Variants in LMO7 observed in about 807,000 individuals in gnomAD.
LMO7 encodes the protein LIM domain 7, also known as LIM domain only protein 7.
In LMO7, 120 loss-of-function variants were observed where a neutral mutation model predicts 206.5. The observed-to-expected ratio is 0.58, with a 90% CI of 0.50 to 0.68. LMO7 has a LOEUF of 0.68. Ranked by LOEUF, LMO7 falls within the 30% of genes least tolerant of loss-of-function variation. The probability of loss-of-function intolerance (pLI) is 0.00; values close to 1 mark genes in which losing one functional copy is unlikely to be tolerated. For synonymous variants in LMO7, 706 were observed against 681.5 expected (o/e 1.04, Z -0.56); for missense variants, 1,959 against 1,957.9 (o/e 1.00, Z -0.01).
chr13:75,726,069 T>A (rs756428519), intron 2 of LMO7, among the ~76,000 whole-genome samples: 9 of 151,952 alleles, frequency 5.9e-5, no homozygotes, highest in Non-Finnish European at 1.2e-4. Context: ...TTATTTGCTT[T>A]CTTTTTGGAG....
At chr13:75,823,399 G>A (rs1379087606) in intron 14 of LMO7, among the ~76,000 whole-genome samples, 166 bp from the exon 15 acceptor site, 1 of 152,168 alleles carries the variant, frequency 6.6e-6, no homozygotes, top group Non-Finnish European at 1.5e-5. Flanking sequence ...CTCACTACGT[G>A]TTTATCTGTT....
At chr13:75,788,184 T>A (rs1475133621) in intron 4 of LMO7, among the ~76,000 whole-genome samples, 1 of 152,194 alleles carries the variant, frequency 6.6e-6, no homozygotes, top group East Asian at 1.9e-4. Flanking sequence ...GGGTTTCTTA[T>A]GACACCTACA....
intron 8 of LMO7, chr13:75,805,140 G>T: frequency 9.0e-7 from 1 of 1,110,300 alleles, no homozygotes. Context: ...GGGGCTATAT[G>T]GACTGACGAG....
At chr13:75,691,212 C>A (rs932907454) in intron 1 of LMO7, among the ~76,000 whole-genome samples, 3 of 152,166 alleles carry the variant, frequency 2.0e-5, no homozygotes, top group Non-Finnish European at 2.9e-5. Flanking sequence ...AGTTTTGCTT[C>A]AGGTAAGGTG....
chr13:75,839,898 T>C (rs773176212), intron 20 of LMO7, 187 bp from the exon 21 acceptor site: 2 of 530,212 alleles, frequency 3.8e-6, no homozygotes, highest in Non-Finnish European at 6.7e-6. Context: ...ATTTGAAAGA[T>C]GAGTAACAGA....
At chr13:75,766,507 T>C (rs1325185792) in intron 4 of LMO7, among the ~76,000 whole-genome samples, 1 of 152,108 alleles carries the variant, frequency 6.6e-6, no homozygotes, top group Admixed American at 6.6e-5. Context: ...ATGTGGCATA[T>C]ACTTACACAG....
intron 3 of LMO7, among the ~76,000 whole-genome samples, chr13:75,737,645 C>T (rs1440206642): frequency 1.4e-5 from 2 of 142,670 alleles, no homozygotes; most frequent in Admixed American, 6.9e-5. Flanking sequence ...CCCAGCTACT[C>T]GGGAGGCTGA....
intron 1 of LMO7, among the ~76,000 whole-genome samples, chr13:75,668,218 C>CA (rs897286775): frequency 2.0e-5 from 3 of 151,596 alleles, no homozygotes; most frequent in Admixed American, 6.6e-5. Flanking sequence ...GAAAAAGAAC[C>CA]AAAAAACAAA....
chr13:75,807,842 G>A lies in LMO7; in HGVS notation c.1559G>A (p.Arg520His). 9 of 1,613,880 alleles carry A rather than the reference G, an allele frequency of 5.6e-6. No homozygotes were observed. The highest frequency in any genetic ancestry group is 2.2e-5 in the East Asian group (1 of 44,882). ...PDLEKDDMIV[R>H]RIPAQKKEVP... ...TTGGAAAAAGATGATATGATTGTTC[G>A]CCGAATTCCAGCACAGAAGAAAGAA... The change falls in exon 10 of 31, where the codon CGC becomes CAC. Residue 520 changes from arginine (R) to histidine (H), a missense_variant. Physicochemically the swap from Arg to His is conservative, Grantham distance 29. Coordinates refer to ENST00000377534, the MANE Select transcript of LMO7 (RefSeq NM_001306080.2).
chr13:75,621,472 C>A (rs2033308016), exon 1 of LMO7: 1 of 274,206 alleles, frequency 3.6e-6, no homozygotes, highest in African/African-American at 2.2e-5. Context: ...CTCTTGGGGG[C>A]AAAGAATGCT....
At chr13:75,856,831 A>G in intron 30 of LMO7, 1 of 430,414 alleles carries the variant, frequency 2.3e-6, no homozygotes, top group Non-Finnish European at 4.3e-6. Flanking sequence ...AGGAATGGAG[A>G]GGAACAGTGT....
chr13:75,738,842 C>T (rs1173655734), intron 3 of LMO7, among the ~76,000 whole-genome samples: 2 of 152,086 alleles, frequency 1.3e-5, no homozygotes, highest in Non-Finnish European at 2.9e-5. Context: ...TGTGTAGAAA[C>T]ATCAGGGAAG....
intron 4 of LMO7, among the ~76,000 whole-genome samples, chr13:75,770,754 G>A (rs566819265): frequency 6.6e-6 from 1 of 152,126 alleles, no homozygotes; most frequent in South Asian, 2.1e-4. Context: ...AAGAGCTTTC[G>A]AACACTGTCA....
Position 75,821,298 on chromosome 13 carries a change from G to A in LMO7, c.2329G>A (p.Glu777Lys). The change falls in exon 14 of 31, where the codon GAG becomes AAG. Residue 777 changes from glutamate (E) to lysine (K), a missense_variant. Physicochemically the swap from Glu to Lys is moderately conservative, Grantham distance 56 (BLOSUM62 1). Transcript: ENST00000377534. ...TGTGTCAGAAGCAAGTTACCAGAGT[G>A]AGAGAGTAGAAGAGAAGGGAGCAAC... ...MTVSEASYQS[E>K]RVEEKGATYP... 6.2e-7 allele frequency: 1 copy of A among 1,614,134 alleles called. No individual in the cohort carries two copies. Among genetic ancestry groups the A allele is most frequent in the Non-Finnish European group, 8.5e-7 (1 of 1,179,994 alleles).
chr13:75,641,060 C>T (rs2036484339), intron 1 of LMO7, among the ~76,000 whole-genome samples: 1 of 152,214 alleles, frequency 6.6e-6, no homozygotes, highest in Admixed American at 6.5e-5. Context: ...AAATTCTTAG[C>T]CCTTACCTGG....
At chr13:75,655,031 C>T (rs988778033) in intron 1 of LMO7, among the ~76,000 whole-genome samples, 4 of 151,934 alleles carry the variant, frequency 2.6e-5, no homozygotes, top group African/African-American at 4.8e-5. Context: ...TCACCACGCC[C>T]GGCTAATTTT....
chr13:75,648,445 C>T (rs2037253762), intron 1 of LMO7, among the ~76,000 whole-genome samples: 1 of 152,160 alleles, frequency 6.6e-6, no homozygotes. Context: ...ATAGAAAAAT[C>T]AAGCTCTCAA....
chr13:75,847,410 A>G (rs78821261), intron 26 of LMO7, among the ~76,000 whole-genome samples: 2 of 152,374 alleles, frequency 1.3e-5, no homozygotes, highest in Admixed American at 1.3e-4. Flanking sequence ...TTCTTAGAGT[A>G]GAAGCAAGTC....
chr13:75,689,798 T>C (rs901368714), intron 1 of LMO7, among the ~76,000 whole-genome samples: 1 of 152,192 alleles, frequency 6.6e-6, no homozygotes, highest in Non-Finnish European at 1.5e-5. Flanking sequence ...AGACTGGAGA[T>C]TGCACTGTCA....
Sources: allele counts gnomAD v4.1 joint callset (sites outside exome capture counted in the v4.1 genomes callset), GRCh38; gene constraint gnomAD v4.1.1; transcripts MANE v1.5; gene names NCBI Gene and HGNC (gene_info 2026-07-23, HGNC 2026-07-21).